The following P2RX7 variants were observed in gnomAD, a reference collection of about 807,000 sequenced individuals.
P2RX7 encodes the protein P2X purinoceptor 7.
A neutral mutation model predicts 71.6 loss-of-function variants in P2RX7; 62 were observed. That is an observed-to-expected ratio of 0.87 (90% CI 0.71 to 1.07). The LOEUF (loss-of-function observed/expected upper bound fraction) is 1.07. P2RX7 is among the 50% of genes least tolerant of loss of function. P2RX7 has a pLI of 0.00. For missense variants in P2RX7, 686 were observed against 748.5 expected, an observed-to-expected ratio of 0.92 and a Z score of 0.97; for synonymous variants, 299 against 283.3, an observed-to-expected ratio of 1.06 and a Z score of -0.56.
At chr12:121,140,489 G>A (rs531138377) in intron 1 of P2RX7, among the ~76,000 whole-genome samples, 3 of 152,332 alleles carry the variant, frequency 2.0e-5, no homozygotes, top group Middle Eastern at 3.4e-3. Flanking sequence ...CACCAGATGC[G>A]AGGAGATAGA....
At chr12:121,165,666 A>C (rs208305) in intron 6 of P2RX7, among the ~76,000 whole-genome samples, 45,369 of 152,020 alleles carry the variant, frequency 0.3, 6,983 homozygotes, top group African/African-American at 0.33. Flanking sequence ...GCTGGAGAAC[A>C]CTTTTCCAAG....
intron 5 of P2RX7, among the ~76,000 whole-genome samples, chr12:121,162,970 T>G (rs1880059607): frequency 6.7e-6 from 1 of 148,212 alleles, no homozygotes; most frequent in African/African-American, 2.5e-5. Context: ...GGGGTGAGGG[T>G]AAAAGAGGGG....
rs185153430 is a variant in P2RX7 at position 121,136,500 on chromosome 12, T to G, written c.125+3405T>G. ...TGTCTGACTAATTTTTTATTTTTTT[T>G]TGTGGAGATGGGGGTCTCCCTATGT... is the stretch of plus-strand genomic sequence containing the variant. On this transcript the variant is annotated intron_variant, in intron 1 of 12. Transcript: ENST00000328963. Among the ~76,000 whole-genome samples the G allele has an allele frequency of 9.9e-5, 15 of 151,784 alleles. 1 individual carries two copies. Among genetic ancestry groups the G allele is most frequent in the South Asian group, 4.2e-4 (2 of 4,800 alleles).
intron 12 of P2RX7, among the ~76,000 whole-genome samples, chr12:121,183,934 A>G (rs2568002): frequency 0.39 from 58,706 of 151,746 alleles, 11,811 homozygotes; most frequent in African/African-American, 0.45. Context: ...GCATGGTGGC[A>G]TGCACCTGTA....
rs1208946839 is a variant in P2RX7 at position 121,177,460 on chromosome 12, G to C, written c.1188+14G>C. ...GAGCCAAAGCCGGTGAGGCCGCTGTGTTCACAGGACACCAAGACATGGAGA... is the reference window on the plus strand; with the variant it reads ...GAGCCAAAGCCGGTGAGGCCGCTGTCTTCACAGGACACCAAGACATGGAGA... On this transcript the variant is annotated intron_variant, in intron 11 of 12. Coordinates refer to ENST00000328963, the MANE Select transcript of P2RX7 (RefSeq NM_002562.6). 3 of 1,611,662 alleles carry C rather than the reference G, an allele frequency of 1.9e-6. No homozygotes were observed. The highest frequency in any genetic ancestry group is 1.7e-6 in the Non-Finnish European group (2 of 1,179,202).
chr12:121,158,735 A>T (rs956328841), intron 3 of P2RX7, among the ~76,000 whole-genome samples: 3 of 151,414 alleles, frequency 2.0e-5, no homozygotes, highest in East Asian at 1.9e-4. Context: ...CTGTTTTTTA[A>T]AAAAAAAATT....
At chr12:121,168,075 T>C (rs1881468686) in intron 8 of P2RX7, among the ~76,000 whole-genome samples, 1 of 152,088 alleles carries the variant, frequency 6.6e-6, no homozygotes, top group Admixed American at 6.6e-5. Flanking sequence ...GGGGGAATTT[T>C]CCTCATCTGT....
chr12:121,139,901 T>A (rs761497328), intron 1 of P2RX7, among the ~76,000 whole-genome samples: 4 of 152,034 alleles, frequency 2.6e-5, no homozygotes, highest in Non-Finnish European at 4.4e-5. Context: ...CCAGATAATG[T>A]CTGTATTTTT....
At chr12:121,177,561 C>T in intron 11 of P2RX7, 115 bp downstream of exon 11, 1 of 1,030,254 alleles carries the variant, frequency 9.7e-7, no homozygotes, top group South Asian at 1.4e-5. Context: ...GGATACGTCG[C>T]TGGGTTCTAC....
At chr12:121,179,109 G>A (rs1020795747) in intron 11 of P2RX7, among the ~76,000 whole-genome samples, 5 of 152,104 alleles carry the variant, frequency 3.3e-5, no homozygotes, top group Admixed American at 3.3e-4. Context: ...AGCGTCATCT[G>A]TATTGTTTTG....
In P2RX7 at chr12:121,160,645, C is replaced by G. The variant is rs113509816; in HGVS notation, c.364-257C>G. 2.3e-3 allele frequency among the ~76,000 whole-genome samples: 352 copies of G among 152,312 alleles called. 2 individuals are homozygous for G. The highest frequency in any genetic ancestry group is 7.9e-3 in the African/African-American group (328 of 41,570). ...TTCTTTCACTCAGCATCATGTTCTCCAGGTCCATCCATGTTGTAGCCTGTG... is the reference window on the plus strand; with the variant it reads ...TTCTTTCACTCAGCATCATGTTCTCGAGGTCCATCCATGTTGTAGCCTGTG... On this transcript the variant is annotated intron_variant, in intron 3 of 12. Transcript: ENST00000328963.
At chr12:121,169,993 C>T (rs1881853221) in intron 8 of P2RX7, among the ~76,000 whole-genome samples, 1 of 152,140 alleles carries the variant, frequency 6.6e-6, no homozygotes, top group African/African-American at 2.4e-5. Context: ...GTCCCCGCCA[C>T]TCCTTAGTGC....
intron 5 of P2RX7, among the ~76,000 whole-genome samples, chr12:121,164,327 C>T (rs972640655): frequency 1.3e-5 from 2 of 152,198 alleles, no homozygotes; most frequent in South Asian, 2.1e-4. Context: ...TTATTTCATA[C>T]GTAACTACGC....
chr12:121,175,142 T>C (rs1217043916), intron 8 of P2RX7, among the ~76,000 whole-genome samples: 1 of 151,692 alleles, frequency 6.6e-6, no homozygotes, highest in Non-Finnish European at 1.5e-5. Flanking sequence ...AAAGCCCGTC[T>C]CTACAAAAAA....
chr12:121,163,724 C>T (rs1370371230), intron 5 of P2RX7, among the ~76,000 whole-genome samples: 1 of 152,138 alleles, frequency 6.6e-6, no homozygotes, highest in Non-Finnish European at 1.5e-5. Flanking sequence ...TCCCAAAGTG[C>T]TGGGGTTACA....
At chr12:121,143,622 G>A (rs1387473769) in intron 1 of P2RX7, among the ~76,000 whole-genome samples, 1 of 151,876 alleles carries the variant, frequency 6.6e-6, no homozygotes, top group Non-Finnish European at 1.5e-5. Flanking sequence ...GACTGAGGTG[G>A]GTGGATCACC....
At chr12:121,151,635 A>G (rs899536454) in intron 1 of P2RX7, among the ~76,000 whole-genome samples, 9 of 152,202 alleles carry the variant, frequency 5.9e-5, no homozygotes, top group Non-Finnish European at 4.4e-5. Flanking sequence ...TGAAATTCAC[A>G]TAACGTAAAA....
intron 12 of P2RX7, among the ~76,000 whole-genome samples, chr12:121,183,168 CT>C (rs920621986): frequency 8.8e-5 from 12 of 135,938 alleles, no homozygotes; most frequent in Non-Finnish European, 1.5e-4. Context: ...CAGAGCAAGA[CT>C]CCATCTCAAA....
chr12:121,165,111 AGATTT>A (rs1237059826), intron 5 of P2RX7, among the ~76,000 whole-genome samples: 2 of 152,188 alleles, frequency 1.3e-5, no homozygotes, highest in Non-Finnish European at 2.9e-5. Context: ...ATTCAAGATG[AGATTT>A]GGGTGGGGAC....
Sources: gnomAD v4.1 joint callset for allele counts (sites outside exome capture counted in the v4.1 genomes callset) on GRCh38, gnomAD v4.1.1 for gene constraint, MANE v1.5 for transcripts, NCBI Gene and HGNC (gene_info 2026-07-23, HGNC 2026-07-21) for gene names.